Variants in INO80 observed in about 807,000 individuals in gnomAD.
INO80 encodes INO80 complex ATPase subunit.
In INO80, 20 loss-of-function variants were observed where a neutral mutation model predicts 203.4. The ratio of observed to expected loss-of-function variants is 0.10; its 90% CI spans 0.07 to 0.14. The LOEUF (loss-of-function observed/expected upper bound fraction) is 0.14, where lower values mean the gene tolerates loss of function less well. INO80 is among the 10% of genes least tolerant of loss of function. The pLI is 1.00. For missense variants in INO80, 1,419 were observed against 1,914.4 expected (o/e 0.74, Z 4.83); for synonymous variants, 726 against 685.2 (o/e 1.06, Z -0.93).
rs1266750643 is a variant in INO80, at chr15:40,979,005, AGGCTT to A, written c.*1213_*1217del. The A allele has an allele frequency of 6.6e-6, 1 of 152,660 alleles. No homozygotes were observed. The highest frequency in any genetic ancestry group is 1.9e-4 in the East Asian group (1 of 5,202). 9.5% of individuals were successfully genotyped at this position (152,660 alleles called of 1,614,324 possible). ...TAAAAATAGCACATTCAAAGAGAAA[AGGCTT>A]GGCATTTTTCTGATTCCCTCTAAAT... On this transcript the variant is annotated 3_prime_UTR_variant, in exon 36 of 36. Transcript: ENST00000648947.
At position 41,087,578 on chromosome 15, in the gene INO80, C is replaced by T. The variant is rs368288309; in HGVS notation, c.642G>A (p.Glu214=). ...LLGPKKKKFK[E]EKKLKAKLKK... ...CATGCTCACCTTTAAGTTTCTTTTC[C>T]TCCTTAAATTTCTTTTTCTTGGGTC... The change falls in exon 6 of 36, where the codon GAG becomes GAA. Residue 214 remains glutamate (E), a synonymous_variant. Coordinates refer to ENST00000648947, the MANE Select transcript of INO80 (RefSeq NM_017553.3). The T allele has an allele frequency of 9.9e-6, 16 of 1,613,542 alleles. No individual in the cohort carries two copies. Among genetic ancestry groups the T allele is most frequent in the Non-Finnish European group, 1.4e-5 (16 of 1,179,944 alleles).
At chr15:41,032,063 G>GCACAGC (rs1303342631) in intron 24 of INO80, among the ~76,000 whole-genome samples, 1 of 58,990 alleles carries the variant, frequency 1.7e-5, no homozygotes, top group African/African-American at 5.8e-5. Flanking sequence ...CACAGCACAG[G>GCACAGC]ACAGCACAGG....
intron 24 of INO80, among the ~76,000 whole-genome samples, chr15:41,036,178 A>AAAAAAAACCC: frequency 6.7e-6 from 1 of 150,314 alleles, no homozygotes; most frequent in Non-Finnish European, 1.5e-5. Context: ...AAAAAAAAAA[A>AAAAAAAACCC]AAAAAAACCC....
chr15:41,050,572 C>T (rs763064898), intron 19 of INO80, among the ~76,000 whole-genome samples: 23 of 152,176 alleles, frequency 1.5e-4, no homozygotes, highest in Non-Finnish European at 2.9e-4. Context: ...AATGCTCTCT[C>T]ACACCTCATG....
intron 5 of INO80, 52 bp downstream of exon 5, chr15:41,091,975 A>C: frequency 6.6e-7 from 1 of 1,506,730 alleles, no homozygotes; most frequent in Non-Finnish European, 9.1e-7. Context: ...TTTAATGACT[A>C]TAAAGCAGAG....
intron 24 of INO80, among the ~76,000 whole-genome samples, chr15:41,041,835 T>C (rs1254263555): frequency 2.4e-5 from 1 of 42,512 alleles, no homozygotes; most frequent in Non-Finnish European, 7.4e-5. Context: ...AAAGATTTCC[T>C]TTTTTTTTTT....
rs137884945 is a variant in INO80, at chr15:40,987,167, C to T, written c.3756G>A (p.Gly1252=). ...SEIQRMVISG[G]NFKPDTLKPK... Reference sequence around the variant, plus strand: ...GTTTCAAGGTATCTGGTTTGAAGTTCCCACCTGAAATCACCATCCGCTGAA... The same window carrying T: ...GTTTCAAGGTATCTGGTTTGAAGTTTCCACCTGAAATCACCATCCGCTGAA... Residue 1252 remains glycine (G), a synonymous_variant, in exon 31 of 36, where the codon GGG becomes GGA. Coordinates refer to ENST00000648947, the MANE Select transcript of INO80 (RefSeq NM_017553.3). The T allele has an allele frequency of 6.8e-6, 11 of 1,611,616 alleles. No homozygotes were observed. The African/African-American group carries it at 1.3e-4, about 20-fold the overall frequency.
At position 41,048,225 on chromosome 15, in the gene INO80, G is replaced by T. The variant is rs1596291365; in HGVS notation, c.2628C>A (p.Leu876=). The T allele has an allele frequency of 6.2e-7, 1 of 1,612,726 alleles. No homozygotes were observed. Among genetic ancestry groups the T allele is most frequent in the Non-Finnish European group, 8.5e-7 (1 of 1,179,066 alleles). The change falls in exon 22 of 36, where the codon CTC becomes CTA. Residue 876 remains leucine, a synonymous_variant. Coordinates refer to ENST00000648947, the MANE Select transcript of INO80 (RefSeq NM_017553.3). ...CAAAACACCTACCTTTTCTGTGAAAGAGAGACCGTTGGATATAGTCTGGTG... is the reference window on the plus strand; with the variant it reads ...CAAAACACCTACCTTTTCTGTGAAATAGAGACCGTTGGATATAGTCTGGTG... ...PFAPDYIQRS[L]FHRKGINEES...
At chr15:41,054,142 G>A in intron 18 of INO80, 128 bp from the exon 19 acceptor site, 1 of 667,172 alleles carries the variant, frequency 1.5e-6, no homozygotes. Flanking sequence ...TCTAAAAGCA[G>A]ACTGAAACTT....
intron 9 of INO80, among the ~76,000 whole-genome samples, chr15:41,077,428 CCTGT>C (rs1440749911): frequency 6.7e-6 from 1 of 149,564 alleles, no homozygotes; most frequent in Non-Finnish European, 1.5e-5. Context: ...GTAAAACTAT[CCTGT>C]CTCTTTAAAG....
In INO80 at chr15:40,980,123, C is replaced by T; in HGVS notation, c.*100G>A. Reference sequence around the variant, plus strand: ...CTGCTGGACATTTCCACTTCTGACTCAGGATGCAAGATGCTGCACGGGGCA... The same window carrying T: ...CTGCTGGACATTTCCACTTCTGACTTAGGATGCAAGATGCTGCACGGGGCA... On this transcript the variant is annotated 3_prime_UTR_variant, in exon 36 of 36. Transcript: ENST00000648947. 1 of 934,614 alleles carries T rather than the reference C, an allele frequency of 1.1e-6. No individual in the cohort carries two copies. Among genetic ancestry groups the T allele is most frequent in the Non-Finnish European group, 1.7e-6 (1 of 584,450 alleles). The allele number at this position is 934,614 out of a possible 1,614,324, so 57.9% of individuals were successfully genotyped here.
At chr15:41,058,511 T>C (rs890473871) in intron 16 of INO80, 128 bp downstream of exon 16, 60 of 909,244 alleles carry the variant, frequency 6.6e-5, no homozygotes, top group African/African-American at 1.0e-4. Flanking sequence ...AAAAATTAAA[T>C]AAAACTTCTC....
intron 1 of INO80, among the ~76,000 whole-genome samples, chr15:41,096,917 A>G (rs1297106208): frequency 6.6e-6 from 1 of 152,254 alleles, no homozygotes; most frequent in Non-Finnish European, 1.5e-5. Context: ...ATTTAAATTT[A>G]GAAAATTGGA....
chr15:41,063,656 C>T (rs2045155935), intron 14 of INO80, among the ~76,000 whole-genome samples: 1 of 151,864 alleles, frequency 6.6e-6, no homozygotes, highest in Non-Finnish European at 1.5e-5. Context: ...CGCCTGTAAT[C>T]CCAGCTACTA....
At position 41,110,790 on chromosome 15, in the gene INO80, TA is replaced by T. The variant is rs564193358; in HGVS notation, c.-44+5182del. ...AAATGATATCACTGTTTTCCCCTTCTAAAAACATGATTGAACTTCATTAGTA... is the reference window on the plus strand; with the variant it reads ...AAATGATATCACTGTTTTCCCCTTCTAAAACATGATTGAACTTCATTAGTA... On this transcript the variant is annotated intron_variant, in intron 1 of 35. Coordinates refer to ENST00000648947, the MANE Select transcript of INO80 (RefSeq NM_017553.3). Among the ~76,000 whole-genome samples the T allele has an allele frequency of 2.7e-3, 410 of 152,340 alleles. 3 individuals carry two copies. The highest frequency in any genetic ancestry group is 0.013 in the South Asian group (62 of 4,830).
rs1211647878 is a variant in INO80, at chr15:41,095,510, G to A, written c.381+91C>T. On this transcript the variant is annotated intron_variant, in intron 4 of 35. Transcript: ENST00000648947. ...AAGAGAATCATATTTGAAAAACTCT[G>A]TCAATCTGCCAAAATGAGTTGATAA... 4.5e-6 allele frequency: 4 copies of A among 890,452 alleles called. No homozygotes were observed. In the African/African-American group the frequency reaches 6.7e-5, roughly 15 times the overall value. The allele number at this position is 890,452 out of a possible 1,614,324, so 55.2% of individuals were successfully genotyped here.
chr15:41,050,190 A>G (rs2044845396), intron 19 of INO80, 88 bp from the exon 20 acceptor site: 14 of 826,974 alleles, frequency 1.7e-5, no homozygotes, highest in Non-Finnish European at 3.9e-6. Flanking sequence ...CACACAAACC[A>G]TATTATGATT....
intron 24 of INO80, among the ~76,000 whole-genome samples, chr15:41,033,066 C>G (rs1392894764): frequency 2.0e-5 from 3 of 152,002 alleles, no homozygotes; most frequent in Non-Finnish European, 4.4e-5. Flanking sequence ...ACAAAAAAAA[C>G]TTTCAGCACG....
At chr15:40,982,621 A>T (rs1310248294) in intron 35 of INO80, among the ~76,000 whole-genome samples, 1 of 152,262 alleles carries the variant, frequency 6.6e-6, no homozygotes, top group African/African-American at 2.4e-5. Context: ...TGTTTAAAGT[A>T]GTACAGTTCA....
Sources: gnomAD v4.1 joint callset for allele counts (sites outside exome capture counted in the v4.1 genomes callset) on GRCh38, gnomAD v4.1.1 for gene constraint, MANE v1.5 for transcripts, NCBI Gene and HGNC (gene_info 2026-07-23, HGNC 2026-07-21) for gene names.